CNTNAP2: variants seen among roughly 807,000 people sequenced by gnomAD.
The protein encoded by CNTNAP2 is contactin-associated protein-like 2.
CNTNAP2 carries 98 observed loss-of-function variants against 155.2 expected under a neutral mutation model. The ratio of observed to expected loss-of-function variants is 0.63; its 90% CI spans 0.54 to 0.75. The LOEUF is 0.75. Among genes scored for constraint, CNTNAP2 ranks in the 30% least tolerant of loss-of-function variants. The pLI, the probability that CNTNAP2 is intolerant of heterozygous loss-of-function variation, is 0.00. For missense variants in CNTNAP2, 1,727 were observed against 1,688.1 expected, an observed-to-expected ratio of 1.02 and a Z score of -0.40; for synonymous variants, 651 against 631.2, an observed-to-expected ratio of 1.03 and a Z score of -0.47.
intron 1 of CNTNAP2, among the ~76,000 whole-genome samples, chr7:146,503,837 AG>A (rs1797341819): frequency 6.6e-6 from 1 of 152,090 alleles, no homozygotes; most frequent in Non-Finnish European, 1.5e-5. Context: ...GATTACTGTC[AG>A]GTTCCAACCT....
chr7:147,833,168 C>T (rs1215767892), intron 13 of CNTNAP2, among the ~76,000 whole-genome samples: 4 of 146,098 alleles, frequency 2.7e-5, no homozygotes, highest in Admixed American at 1.4e-4. Context: ...CTGCTAGCAT[C>T]GTAGATACAA....
intron 5 of CNTNAP2, among the ~76,000 whole-genome samples, chr7:147,117,138 A>C (rs371376525): frequency 2.0e-5 from 3 of 152,242 alleles, no homozygotes; most frequent in South Asian, 4.1e-4. Flanking sequence ...GAGTATGTGC[A>C]GACCTCCCGC....
intron 9 of CNTNAP2, among the ~76,000 whole-genome samples, chr7:147,365,755 T>C (rs1311432870): frequency 6.6e-6 from 1 of 152,224 alleles, no homozygotes; most frequent in East Asian, 1.9e-4. Context: ...TAATTATTTG[T>C]TCATTTCTAT....
intron 1 of CNTNAP2, among the ~76,000 whole-genome samples, chr7:146,378,749 A>G (rs1402503034): frequency 1.3e-5 from 2 of 152,196 alleles, no homozygotes; most frequent in Non-Finnish European, 2.9e-5. Context: ...CATATCACTC[A>G]TCTAAACAAT....
chr7:147,593,023 A>G (rs1800768308), intron 12 of CNTNAP2, among the ~76,000 whole-genome samples: 1 of 152,206 alleles, frequency 6.6e-6, no homozygotes, highest in Non-Finnish European at 1.5e-5. Context: ...TATTTCCATT[A>G]AAATTACATC....
At chr7:147,377,732 A>G (rs73475212) in intron 9 of CNTNAP2, among the ~76,000 whole-genome samples, 3,579 of 151,948 alleles carry the variant, frequency 0.024, 158 homozygotes, top group African/African-American at 0.082. Context: ...TACTTTGAGT[A>G]TATTATCCTA....
intron 3 of CNTNAP2, among the ~76,000 whole-genome samples, chr7:147,019,599 T>A (rs1362608063): frequency 5.3e-5 from 8 of 152,038 alleles, no homozygotes; most frequent in Admixed American, 5.2e-4. Flanking sequence ...TAAGGACTTA[T>A]TATTTATTAC....
intron 20 of CNTNAP2, among the ~76,000 whole-genome samples, chr7:148,258,175 G>A (rs532439477): frequency 6.6e-6 from 1 of 152,336 alleles, no homozygotes; most frequent in South Asian, 2.1e-4. Flanking sequence ...TGCACCTGCT[G>A]AGCCCACTGA....
chr7:146,357,911 A>AC (rs35402658), intron 1 of CNTNAP2, among the ~76,000 whole-genome samples: 72,392 of 150,680 alleles, frequency 0.48, 20,161 homozygotes, highest in African/African-American at 0.77. Flanking sequence ...AAAAGAATGC[A>AC]CCCCGCCCCC....
intron 9 of CNTNAP2, among the ~76,000 whole-genome samples, chr7:147,368,770 A>G (rs1525228): frequency 6.6e-6 from 1 of 152,096 alleles, no homozygotes; most frequent in Non-Finnish European, 1.5e-5. Context: ...AATACAAAAG[A>G]GTTCCTCTTA....
At chr7:147,700,095 T>A (rs953804164) in intron 13 of CNTNAP2, among the ~76,000 whole-genome samples, 4 of 152,200 alleles carry the variant, frequency 2.6e-5, no homozygotes, top group Admixed American at 1.3e-4. Flanking sequence ...CACTCTCTGT[T>A]GGTAATGACC....
chr7:148,210,367 A>G (rs1250945265), intron 18 of CNTNAP2, among the ~76,000 whole-genome samples: 1 of 152,226 alleles, frequency 6.6e-6, no homozygotes, highest in Non-Finnish European at 1.5e-5. Context: ...ACCATGCACA[A>G]CAGGAATACG....
intron 18 of CNTNAP2, among the ~76,000 whole-genome samples, chr7:148,178,904 G>A (rs956228229): frequency 1.3e-5 from 2 of 152,168 alleles, no homozygotes; most frequent in African/African-American, 2.4e-5. Context: ...AATGTCAAAT[G>A]CCTAACTGGC....
intron 3 of CNTNAP2, among the ~76,000 whole-genome samples, chr7:146,998,092 G>T (rs1053422440): frequency 2.6e-5 from 4 of 151,284 alleles, no homozygotes; most frequent in African/African-American, 9.7e-5. Flanking sequence ...TTAGATATGG[G>T]TTTTTTTCTT....
At chr7:147,101,417 G>C (rs969825226) in intron 4 of CNTNAP2, among the ~76,000 whole-genome samples, 2 of 152,186 alleles carry the variant, frequency 1.3e-5, no homozygotes, top group Non-Finnish European at 2.9e-5. Context: ...TTTGGGCCCT[G>C]GCTCCACGGC....
chr7:146,141,425 A>G (rs1339178833), intron 1 of CNTNAP2, among the ~76,000 whole-genome samples: 9 of 152,178 alleles, frequency 5.9e-5, no homozygotes, highest in Non-Finnish European at 1.2e-4. Context: ...GCTGAGGGAC[A>G]GATTGTTCTG....
At chr7:147,488,185 A>G (rs1798543181) in intron 11 of CNTNAP2, among the ~76,000 whole-genome samples, 1 of 152,230 alleles carries the variant, frequency 6.6e-6, no homozygotes, top group African/African-American at 2.4e-5. Context: ...ATGTAAGAAG[A>G]TACAATGTAT....
intron 13 of CNTNAP2, among the ~76,000 whole-genome samples, chr7:147,824,991 A>G (rs971031062): frequency 1.2e-4 from 18 of 152,216 alleles, no homozygotes; most frequent in African/African-American, 4.3e-4. Context: ...TGAATTTTAC[A>G]GTATTCTGAG....
intron 13 of CNTNAP2, among the ~76,000 whole-genome samples, chr7:147,895,794 G>A (rs902367255): frequency 2.0e-5 from 3 of 152,106 alleles, no homozygotes; most frequent in Non-Finnish European, 4.4e-5. Flanking sequence ...AAAATAAATT[G>A]AACCGTTCTC....
Sources: allele counts gnomAD v4.1 joint callset (sites outside exome capture counted in the v4.1 genomes callset), GRCh38; gene constraint gnomAD v4.1.1; transcripts MANE v1.5; gene names NCBI Gene and HGNC (gene_info 2026-07-23, HGNC 2026-07-21).